The following NOTCH2 variants were observed in gnomAD, a reference collection of about 807,000 sequenced individuals.
NOTCH2 encodes the protein neurogenic locus notch homolog protein 2.
A neutral mutation model predicts 235.8 loss-of-function variants in NOTCH2; 29 were observed. That is an observed-to-expected ratio of 0.12 (90% CI 0.09 to 0.17). The LOEUF (loss-of-function observed/expected upper bound fraction) is 0.17, where lower values mean the gene tolerates loss of function less well. Ranked by LOEUF, NOTCH2 falls within the 10% of genes least tolerant of loss-of-function variation. NOTCH2 has a pLI of 1.00. For missense variants in NOTCH2, 2,285 were observed against 3,150.2 expected (o/e 0.73, Z 6.57); for synonymous variants, 1,086 against 1,141.5 (o/e 0.95, Z 0.98).
intron 5 of NOTCH2, among the ~76,000 whole-genome samples, chr1:119,985,245 A>AT (rs1159923262): frequency 6.6e-6 from 1 of 152,142 alleles, no homozygotes; most frequent in Non-Finnish European, 1.5e-5. Flanking sequence ...CCTGTGATGA[A>AT]TAACAAAAAA....
rs587627983 is a variant in NOTCH2, at chr1:120,000,340, T to C, written c.416-3008A>G. On this transcript the variant is annotated intron_variant, in intron 3 of 33. Coordinates refer to ENST00000256646, the MANE Select transcript of NOTCH2 (RefSeq NM_024408.4). ...CATGAGGTCAGGCGATCCAGACCAT[T>C]GTGGCTAACAAGGTGAAAGCCCATC... Among the ~76,000 whole-genome samples the C allele has an allele frequency of 1.4e-4, 21 of 152,070 alleles. No individual in the cohort carries two copies. The South Asian group carries it at 4.4e-3, about 32-fold the overall frequency.
intron 32 of NOTCH2, among the ~76,000 whole-genome samples, 155 bp from the exon 33 acceptor site, chr1:119,917,917 CCT>C (rs1649143361): frequency 6.6e-6 from 1 of 152,130 alleles, no homozygotes; most frequent in Non-Finnish European, 1.5e-5. Context: ...TCTTCTTTTT[CCT>C]CTGTTCTAGA....
rs1325734751 is a variant in NOTCH2, at chr1:119,918,400, C to A, written c.5929+6G>T. Reference sequence around the variant, plus strand: ...AAGAATCCAAATCCCTGCCTTTCATCCCTACCATGGTCATCCACTGCATTC... The same window carrying A: ...AAGAATCCAAATCCCTGCCTTTCATACCTACCATGGTCATCCACTGCATTC... On this transcript the variant is annotated splice_donor_region_variant and intron_variant, in intron 32 of 33. Transcript: ENST00000256646. The A allele has an allele frequency of 6.2e-7, 1 of 1,614,076 alleles. No individual in the cohort carries two copies. The highest frequency in any genetic ancestry group is 1.7e-5 in the Admixed American group (1 of 60,026).
At chr1:119,987,143 G>A in intron 4 of NOTCH2, 61 bp from the exon 5 acceptor site, 3 of 1,600,114 alleles carry the variant, frequency 1.9e-6, no homozygotes, top group Non-Finnish European at 2.6e-6. Flanking sequence ...GACCTGCTCT[G>A]TTCCCACAGA....
At chr1:120,066,197 G>A (rs1158162774) in intron 1 of NOTCH2, among the ~76,000 whole-genome samples, 4 of 152,050 alleles carry the variant, frequency 2.6e-5, no homozygotes, top group East Asian at 1.9e-4. Flanking sequence ...AGTCAGAAGC[G>A]TTAAACACTG....
In NOTCH2 at chr1:119,944,813, T is replaced by C. The variant is rs587710878; in HGVS notation, c.2753-3059A>G. On this transcript the variant is annotated intron_variant, in intron 17 of 33. Coordinates refer to ENST00000256646, the MANE Select transcript of NOTCH2 (RefSeq NM_024408.4). ...AAAACTAAAGCAAAATAAAAACCTT[T>C]CTGACACACAAAAACAGAAAGACTT... Among the ~76,000 whole-genome samples, 5 of 152,132 alleles carry C rather than the reference T, an allele frequency of 3.3e-5. No homozygotes were observed. The South Asian group carries it at 1.0e-3, about 32-fold the overall frequency.
intron 1 of NOTCH2, among the ~76,000 whole-genome samples, chr1:120,060,521 G>A (rs1471940350): frequency 3.3e-5 from 5 of 150,468 alleles, no homozygotes; most frequent in South Asian, 4.2e-4. Context: ...AACCAAAGAC[G>A]TATACCAAAA....
In NOTCH2 at chr1:120,035,365, A is replaced by G. The variant is rs868927487; in HGVS notation, c.74-5378T>C. Among the ~76,000 whole-genome samples, 345 of 151,618 alleles carry G rather than the reference A, an allele frequency of 2.3e-3. 4 individuals carry two copies. The highest frequency in any genetic ancestry group is 3.1e-3 in the Non-Finnish European group (208 of 67,940). ...GTTTGACACTTTTTCTTCCAAGGAC[A>G]AGCCATTTCTTACTTTAACGAGTCT... On this transcript the variant is annotated intron_variant, in intron 1 of 33. Transcript: ENST00000256646.
At chr1:120,029,291 C>T (rs1553210588) in intron 2 of NOTCH2, among the ~76,000 whole-genome samples, 1 of 151,466 alleles carries the variant, frequency 6.6e-6, no homozygotes, top group Non-Finnish European at 1.5e-5. Context: ...TAAGGGGAGA[C>T]TCTAAGAGTA....
In NOTCH2 at chr1:119,987,072, C is replaced by T. The variant is rs781980709; in HGVS notation, c.762G>A (p.Gly254=). The T allele has an allele frequency of 2.5e-6, 4 of 1,613,568 alleles. No individual in the cohort carries two copies. The South Asian group carries it at 3.3e-5, about 13-fold the overall frequency. Residue 254 remains glycine (G), a synonymous_variant, in exon 5 of 34, where the codon GGG becomes GGA. Transcript: ENST00000256646. ...FECNCLPGFE[G]STCERNIDDC... is the part of the protein sequence containing the mutation. ...CATCAATATTCCTCTCACAGGTGCT[C>T]CCTTCAAAACCTGGTAAATGAAGAA...
chr1:119,935,588 T>C lies in NOTCH2; in HGVS notation c.3539A>G (p.Gln1180Arg), dbSNP rs1553195641. 2 of 1,614,134 alleles carry C rather than the reference T, an allele frequency of 1.2e-6. No homozygotes were observed. The highest frequency in any genetic ancestry group is 1.7e-6 in the Non-Finnish European group (2 of 1,180,008). ...GYRCECVPGY[Q>R]GVNCEYEVDE... ...CACTTCATACTCACAGTTGACACCC[T>C]GATAGCCTGGGACACACTGCCATGA... Residue 1180 changes from glutamine (Q) to arginine (R), a missense_variant, in exon 22 of 34, where the codon CAG becomes CGG. Coordinates refer to ENST00000256646, the MANE Select transcript of NOTCH2 (RefSeq NM_024408.4).
At chr1:119,965,829 C>G (rs1395370548) in intron 9 of NOTCH2, among the ~76,000 whole-genome samples, 2 of 152,162 alleles carry the variant, frequency 1.3e-5, no homozygotes, top group East Asian at 3.8e-4. Flanking sequence ...ATAGGTGGAA[C>G]CTCAAACAAG....
chr1:120,042,160 C>A (rs1553212962), intron 1 of NOTCH2, among the ~76,000 whole-genome samples: 1 of 102,352 alleles, frequency 9.8e-6, no homozygotes, highest in Admixed American at 9.6e-5. Context: ...TTCAGCCCAG[C>A]TATAATACCA....
rs771816232 is a variant in NOTCH2, at chr1:119,915,673, C to G, written c.7049G>C (p.Ser2350Thr). 1 of 1,613,558 alleles carries G rather than the reference C, an allele frequency of 6.2e-7. No individual in the cohort carries two copies. Among genetic ancestry groups the G allele is most frequent in the Non-Finnish European group, 8.5e-7 (1 of 1,179,716 alleles). Reference sequence around the variant, plus strand: ...CATCATGGCAGTGGGGAAAGCCACACTGGGCAAACGGGCCATTTCTGGAAT... The same window carrying G: ...CATCATGGCAGTGGGGAAAGCCACAGTGGGCAAACGGGCCATTTCTGGAAT... ...YQIPEMARLP[S>T]VAFPTAMMPQ... Residue 2350 changes from serine (S) to threonine (T), a missense_variant, in exon 34 of 34, where the codon AGT becomes ACT. Ser to Thr is a moderately conservative substitution (Grantham distance 58). Around this residue, in one of 6 missense-constraint regions of NOTCH2, gnomAD observed 504 missense variants for 538.0 expected, o/e 0.94. Coordinates refer to ENST00000256646, the MANE Select transcript of NOTCH2 (RefSeq NM_024408.4).
chr1:119,978,432 G>A (rs1651680753), intron 5 of NOTCH2, among the ~76,000 whole-genome samples: 1 of 152,186 alleles, frequency 6.6e-6, no homozygotes, highest in African/African-American at 2.4e-5. Context: ...CTCTGCTGCA[G>A]TGAGGAGAAT....
chr1:120,004,955 A>G (rs1358390892), intron 3 of NOTCH2, among the ~76,000 whole-genome samples: 3 of 152,002 alleles, frequency 2.0e-5, no homozygotes, highest in Non-Finnish European at 4.4e-5. Flanking sequence ...TTTTATTTTT[A>G]TTCTTGTTTT....
At chr1:119,999,911 A>AGG (rs1652649937) in intron 3 of NOTCH2, among the ~76,000 whole-genome samples, 1 of 136,262 alleles carries the variant, frequency 7.3e-6, no homozygotes, top group Non-Finnish European at 1.6e-5. Context: ...GAAAGAGAGA[A>AGG]AGAGAGAGAA....
intron 7 of NOTCH2, 99 bp downstream of exon 7, chr1:119,967,978 G>T: frequency 1.5e-6 from 2 of 1,322,482 alleles, no homozygotes; most frequent in Non-Finnish European, 2.2e-6. Context: ...TGAGGTTTGG[G>T]TGTATGTAAT....
At chr1:119,976,443 G>A (rs1651583501) in intron 5 of NOTCH2, 1 of 151,082 alleles carries the variant, frequency 6.6e-6, no homozygotes, top group Non-Finnish European at 1.5e-5. Flanking sequence ...CTGAGAGGAT[G>A]GTCTGGGAGT....
Sources: allele counts gnomAD v4.1 joint callset (sites outside exome capture counted in the v4.1 genomes callset), GRCh38; gene constraint gnomAD v4.1.1; regional missense constraint gnomAD v4.1.1; transcripts MANE v1.5; gene names NCBI Gene and HGNC (gene_info 2026-07-23, HGNC 2026-07-21).